The following CEP170 variants were observed in gnomAD, a reference collection of about 807,000 sequenced individuals.
The protein encoded by CEP170 is centrosomal protein of 170 kDa.
In CEP170, 21 loss-of-function variants were observed where a neutral mutation model predicts 151.9. The observed-to-expected ratio is 0.14, with a 90% CI of 0.10 to 0.20. CEP170 has a LOEUF of 0.20. Ranked by LOEUF, CEP170 falls within the 10% of genes least tolerant of loss-of-function variation. CEP170 has a pLI of 1.00. For missense variants in CEP170, 964 were observed against 1,892.9 expected, an observed-to-expected ratio of 0.51 and a Z score of 9.11; for synonymous variants, 356 against 648.8, an observed-to-expected ratio of 0.55 and a Z score of 6.86.
chr1:243,175,751 A>G (rs1281037818), intron 10 of CEP170, among the ~76,000 whole-genome samples: 1 of 151,974 alleles, frequency 6.6e-6, no homozygotes, highest in Non-Finnish European at 1.5e-5. Flanking sequence ...AACTATCTAG[A>G]CTGTTGCTTA....
intron 13 of CEP170, among the ~76,000 whole-genome samples, chr1:243,161,109 C>T (rs1202525530): frequency 6.7e-6 from 1 of 149,388 alleles, no homozygotes; most frequent in Non-Finnish European, 1.5e-5. Context: ...GACCGACCAG[C>T]CTGCCCAATA....
At chr1:243,184,771 C>T (rs889709415) in intron 10 of CEP170, among the ~76,000 whole-genome samples, 1 of 151,760 alleles carries the variant, frequency 6.6e-6, no homozygotes, top group African/African-American at 2.4e-5. Context: ...ATTCCAGAAA[C>T]TCATCATCTA....
chr1:243,197,691 C>T (rs1399632243), intron 7 of CEP170, among the ~76,000 whole-genome samples: 1 of 152,014 alleles, frequency 6.6e-6, no homozygotes, highest in Non-Finnish European at 1.5e-5. Flanking sequence ...GACTGAGAGA[C>T]GGAGAGAAGC....
rs1247902793 is a variant in CEP170 at position 243,126,130 on chromosome 1, C to T, written c.*319G>A. ...TATTTAGTTTGCTTGTAGGTCACAG[C>T]ATGGCTTAAAAAAAAGAAAAAAGAT... On this transcript the variant is annotated 3_prime_UTR_variant, in exon 20 of 20. Transcript: ENST00000366542. 2 of 468,234 alleles carry T rather than the reference C, an allele frequency of 4.3e-6. No individual in the cohort carries two copies. Among genetic ancestry groups the T allele is most frequent in the Admixed American group, 2.3e-5 (1 of 42,826 alleles). The allele number at this position is 468,234 out of a possible 1,614,324, so 29.0% of individuals were successfully genotyped here.
intron 11 of CEP170, among the ~76,000 whole-genome samples, chr1:243,172,124 A>G (rs984720498): frequency 6.6e-6 from 1 of 152,176 alleles, no homozygotes; most frequent in Non-Finnish European, 1.5e-5. Flanking sequence ...CATAATGCCA[A>G]TCAGAACCAT....
intron 8 of CEP170, among the ~76,000 whole-genome samples, chr1:243,189,619 T>A (rs1572148694): frequency 1.3e-5 from 2 of 151,618 alleles, no homozygotes; most frequent in African/African-American, 4.8e-5. Flanking sequence ...TTATAATGAC[T>A]AAGTTATAAA....
chr1:243,241,722 A>G (rs1327764006), intron 1 of CEP170, among the ~76,000 whole-genome samples: 3 of 148,512 alleles, frequency 2.0e-5, no homozygotes. Context: ...CCCGGGAGGC[A>G]GAGGTTGCAG....
In CEP170 at chr1:243,164,412, G is replaced by C. The variant is rs1462780304; in HGVS notation, c.3548C>G (p.Ala1183Gly). The C allele has an allele frequency of 6.4e-7, 1 of 1,554,816 alleles. No individual in the cohort carries two copies. Among genetic ancestry groups the C allele is most frequent in the African/African-American group, 1.4e-5 (1 of 73,660 alleles). Residue 1183 changes from alanine (A) to glycine (G), a missense_variant, in exon 13 of 20, where the codon GCC becomes GGC. By Grantham distance (60) the Ala-to-Gly change is moderately conservative (BLOSUM62 0). Transcript: ENST00000366542. ...RSSASSRTAEAIIRSGARLVP... is the reference protein window; with the variant it reads ...RSSASSRTAEGIIRSGARLVP... The stretch of plus-strand genomic sequence containing the variant: ...TAGTCTGGCTCCACTTCTAATGATG[G>C]CTTCTGCGGTCCTCGAAGAGGCACT...
intron 1 of CEP170, among the ~76,000 whole-genome samples, chr1:243,243,976 T>C (rs1036357715): frequency 2.0e-5 from 3 of 152,224 alleles, no homozygotes; most frequent in Admixed American, 2.0e-4. Flanking sequence ...AAAACCAGTA[T>C]GTTCATTTTT....
chr1:243,250,311 A>C (rs922273862), intron 1 of CEP170, among the ~76,000 whole-genome samples: 3 of 152,218 alleles, frequency 2.0e-5, no homozygotes, highest in African/African-American at 7.2e-5. Flanking sequence ...CAGGAAGGAA[A>C]GCTAATCCCT....
intron 1 of CEP170, among the ~76,000 whole-genome samples, chr1:243,244,215 G>A (rs776252153): frequency 2.6e-5 from 4 of 152,040 alleles, no homozygotes; most frequent in South Asian, 2.1e-4. Flanking sequence ...AACTGCTATC[G>A]TGTTCCTAGT....
At chr1:243,127,761 G>A (rs1393764332) in intron 19 of CEP170, among the ~76,000 whole-genome samples, 2 of 152,182 alleles carry the variant, frequency 1.3e-5, no homozygotes, top group African/African-American at 4.8e-5. Flanking sequence ...AAGTTTAGAG[G>A]GCAGCCTCTT....
intron 16 of CEP170, among the ~76,000 whole-genome samples, chr1:243,137,457 A>G (rs982095723): frequency 1.8e-4 from 27 of 152,216 alleles, no homozygotes; most frequent in African/African-American, 6.3e-4. Flanking sequence ...AGACGTTCAC[A>G]TAAATTTTGG....
chr1:243,189,071 T>C (rs1175950554), intron 8 of CEP170, among the ~76,000 whole-genome samples: 4 of 152,354 alleles, frequency 2.6e-5, no homozygotes, highest in Admixed American at 2.0e-4. Context: ...CATACTGGAA[T>C]GTATGTCTAC....
chr1:243,150,394 G>A (rs1349075185), intron 14 of CEP170, among the ~76,000 whole-genome samples: 1 of 152,112 alleles, frequency 6.6e-6, no homozygotes, highest in Non-Finnish European at 1.5e-5. Flanking sequence ...CAGGTGATCC[G>A]CCTGCCTTGG....
intron 2 of CEP170, among the ~76,000 whole-genome samples, chr1:243,224,110 G>C (rs1362565160): frequency 6.6e-6 from 1 of 152,122 alleles, no homozygotes; most frequent in Non-Finnish European, 1.5e-5. Context: ...ACCAGAAGGT[G>C]CATGACAACT....
At chr1:243,131,478 C>A (rs2054398983) in intron 17 of CEP170, among the ~76,000 whole-genome samples, 1 of 151,170 alleles carries the variant, frequency 6.6e-6, no homozygotes, top group South Asian at 2.1e-4. Context: ...TCCAGCCCAT[C>A]TCAAAAACAA....
chr1:243,143,068 TCTTA>T (rs936263385), intron 14 of CEP170, among the ~76,000 whole-genome samples: 117 of 152,278 alleles, frequency 7.7e-4, no homozygotes, highest in African/African-American at 2.7e-3. Flanking sequence ...CATAAATTAC[TCTTA>T]CTTTCAAATA....
intron 10 of CEP170, among the ~76,000 whole-genome samples, chr1:243,178,996 C>T (rs1213067802): frequency 1.8e-4 from 28 of 152,294 alleles, no homozygotes; most frequent in Non-Finnish European, 1.5e-4. Context: ...GGATTACAGG[C>T]GTGAGCCACT....
Sources: gnomAD v4.1 joint callset for allele counts (sites outside exome capture counted in the v4.1 genomes callset) on GRCh38, gnomAD v4.1.1 for gene constraint, MANE v1.5 for transcripts, NCBI Gene and HGNC (gene_info 2026-07-23, HGNC 2026-07-21) for gene names.